The following TRIM5 variants were observed in gnomAD, a reference collection of about 807,000 sequenced individuals.
TRIM5 encodes tripartite motif containing 5, also known as tripartite motif-containing protein 5.
In TRIM5, 31 loss-of-function variants were observed where a neutral mutation model predicts 35.6. The ratio of observed to expected loss-of-function variants is 0.87; its 90% CI spans 0.65 to 1.18. TRIM5 has a LOEUF of 1.18. Among genes scored for constraint, TRIM5 ranks in the 50% most tolerant of loss-of-function variants. The probability of loss-of-function intolerance (pLI) is 0.00; values close to 1 mark genes in which losing one functional copy is unlikely to be tolerated. For missense variants in TRIM5, 609 were observed against 591.6 expected (o/e 1.03, Z -0.31); for synonymous variants, 243 against 215.6 (o/e 1.13, Z -1.11).
Position 5,663,664 on chromosome 11 carries a change from T to TTTA in TRIM5, c.*1142_*1144dup. 3 of 760,796 alleles carry TTTA rather than the reference T, an allele frequency of 3.9e-6. No homozygotes were observed. The highest frequency in any genetic ancestry group is 4.8e-6 in the Non-Finnish European group (3 of 624,846). The allele number at this position is 760,796 out of a possible 1,614,324, so 47.1% of individuals were successfully genotyped here. On this transcript the variant is annotated 3_prime_UTR_variant, in exon 8 of 8. Coordinates refer to ENST00000380034, the MANE Select transcript of TRIM5 (RefSeq NM_033034.3). ...AATTGACAAATAATAAATATACATATTTATGTGGTACAGTGTGATGTTTTG... is the reference window on the plus strand; with the variant it reads ...AATTGACAAATAATAAATATACATATTTATTATGTGGTACAGTGTGATGTTTTG...
the TRIM5 span, among the ~76,000 whole-genome samples, chr11:5,654,779 T>C: frequency 6.6e-6 from 1 of 152,154 alleles, no homozygotes; most frequent in Non-Finnish European, 1.5e-5. Flanking sequence ...AAAATGGAGA[T>C]GTGAAAAATT....
the TRIM5 span, chr11:5,590,941 G>T: frequency 6.0e-6 from 1 of 165,690 alleles, no homozygotes; most frequent in South Asian, 1.9e-4. Flanking sequence ...CAGTCTTCAA[G>T]AACTGTAATA....
At chr11:5,596,720 A>AT in the TRIM5 span, 1 of 925,020 alleles carries the variant, frequency 1.1e-6, no homozygotes. Context: ...CGGAGGAGGG[A>AT]TCCCCTGCCT....
the TRIM5 span, chr11:5,632,481 G>A: frequency 6.2e-7 from 1 of 1,614,026 alleles, no homozygotes; most frequent in East Asian, 2.2e-5. Context: ...TGACCAGCAT[G>A]GGAGGAAAAA....
chr11:5,671,425 T>A (rs1443955120), intron 4 of TRIM5, among the ~76,000 whole-genome samples: 4 of 151,548 alleles, frequency 2.6e-5, no homozygotes, highest in Admixed American at 1.3e-4. Context: ...GTTAAAAAAC[T>A]AAGGAGAACT....
chr11:5,589,422 G>T, the TRIM5 span: 2 of 152,160 alleles, frequency 1.3e-5, no homozygotes, highest in African/African-American at 2.4e-5. Context: ...TGTATTTGAT[G>T]ATTCTGTTGT....
the TRIM5 span, chr11:5,597,039 C>G: frequency 6.7e-7 from 1 of 1,495,918 alleles, no homozygotes. Flanking sequence ...TTCTTTCTCA[C>G]TGCAAATGAC....
chr11:5,667,584 T>C, intron 5 of TRIM5, 105 bp downstream of exon 5: 2 of 1,222,456 alleles, frequency 1.6e-6, no homozygotes, highest in Non-Finnish European at 2.3e-6. Context: ...TCGAAATTTT[T>C]CTGCCCTGGG....
At chr11:5,665,864 A>C in intron 6 of TRIM5, 117 bp downstream of exon 6, 1 of 1,303,716 alleles carries the variant, frequency 7.7e-7, no homozygotes, top group Non-Finnish European at 1.0e-6. Context: ...AGCAGCAGAC[A>C]ATATCTATCC....
chr11:5,664,590 GAA>G lies in TRIM5; in HGVS notation c.*217_*218del. 1 of 1,290,000 alleles carries G rather than the reference GAA, an allele frequency of 7.8e-7. No homozygotes were observed. The highest frequency in any genetic ancestry group is 2.5e-5 in the South Asian group (1 of 39,650). The allele number at this position is 1,290,000 out of a possible 1,614,324, so 79.9% of individuals were successfully genotyped here. A position where few individuals can be genotyped will look rare whatever the true frequency, so the allele number is the denominator to read the frequency against. On this transcript the variant is annotated 3_prime_UTR_variant, in exon 8 of 8. Transcript: ENST00000380034. ...TAGGTCAGTTTTCCTTAGGAGTACG[GAA>G]AATGATGAAAAAAATTGCTATCAAA...
chr11:5,607,488 C>G, the TRIM5 span, among the ~76,000 whole-genome samples: 1 of 152,072 alleles, frequency 6.6e-6, no homozygotes, highest in African/African-American at 2.4e-5. Context: ...TTATGTGGAC[C>G]AAACTTAAGC....
the TRIM5 span, chr11:5,590,098 C>T: frequency 1.9e-5 from 3 of 156,056 alleles, no homozygotes; most frequent in African/African-American, 4.8e-5. Context: ...TCTTGCCGGG[C>T]CTTAGCTGCC....
intron 6 of TRIM5, 103 bp downstream of exon 6, chr11:5,665,878 C>A: frequency 2.3e-6 from 3 of 1,318,940 alleles, no homozygotes; most frequent in Non-Finnish European, 2.1e-6. Flanking sequence ...TCTATCCTCC[C>A]CTATCCCCTC....
chr11:5,662,555 T>C (rs538105251), downstream of TRIM5, among the ~76,000 whole-genome samples: 39 of 152,284 alleles, frequency 2.6e-4, no homozygotes, highest in Admixed American at 9.2e-4. Flanking sequence ...CAAAATACGT[T>C]TTTACTACTT....
the TRIM5 span, among the ~76,000 whole-genome samples, chr11:5,626,132 C>G: frequency 2.0e-5 from 3 of 152,180 alleles, no homozygotes; most frequent in African/African-American, 4.8e-5. Context: ...CCATGTCTGC[C>G]TACATACTGA....
chr11:5,643,733 A>C, the TRIM5 span: 1 of 1,551,184 alleles, frequency 6.4e-7, no homozygotes, highest in Non-Finnish European at 8.7e-7. Context: ...TTCACCTACA[A>C]CCCTTTGTCT....
At chr11:5,594,014 T>G in the TRIM5 span, among the ~76,000 whole-genome samples, 1 of 152,248 alleles carries the variant, frequency 6.6e-6, no homozygotes, top group South Asian at 2.1e-4. Flanking sequence ...ATTCCATTTT[T>G]TAATATGAGT....
In TRIM5 at chr11:5,679,807, C is replaced by T. The variant is rs769576530; in HGVS notation, c.371G>A (p.Arg124His). Residue 124 changes from arginine (R) to histidine (H), a missense_variant, in exon 2 of 8, where the codon CGT becomes CAT. Physicochemically the swap from Arg to His is conservative, Grantham distance 29 (BLOSUM62 0). Transcript: ENST00000380034. Reference sequence around the variant, plus strand: ...CTCTGTGAGGAACGTGTGGTGACCACGGTGCTCCTGAGACCGCTCACAAAG... The same window carrying T: ...CTCTGTGAGGAACGTGTGGTGACCATGGTGCTCCTGAGACCGCTCACAAAG... ...CWLCERSQEH[R>H]GHHTFLTEEV... 14 of 1,611,312 alleles carry T rather than the reference C, an allele frequency of 8.7e-6. No individual in the cohort carries two copies. Among genetic ancestry groups the T allele is most frequent in the African/African-American group, 2.7e-5 (2 of 74,822 alleles).
the TRIM5 span, among the ~76,000 whole-genome samples, chr11:5,652,848 TTTTC>T: frequency 2.0e-5 from 3 of 150,360 alleles, no homozygotes; most frequent in Non-Finnish European, 2.9e-5. Flanking sequence ...TTCTTTTTCT[TTTTC>T]TTTTTTTTTT....
Sources: gnomAD v4.1 joint callset for allele counts (sites outside exome capture counted in the v4.1 genomes callset) on GRCh38, gnomAD v4.1.1 for gene constraint, MANE v1.5 for transcripts, NCBI Gene and HGNC (gene_info 2026-07-23, HGNC 2026-07-21) for gene names.